The following ABCA13 variants were observed in gnomAD, a reference collection of about 807,000 sequenced individuals.
ABCA13 encodes the protein ATP-binding cassette sub-family A member 13.
Under a neutral mutation model 478.7 loss-of-function variants are expected in ABCA13, and 476 were observed. The ratio of observed to expected loss-of-function variants is 0.99; its 90% CI spans 0.92 to 1.07. The LOEUF is 1.07. Ranked by LOEUF, ABCA13 falls within the 50% of genes least tolerant of loss-of-function variation. The pLI is 0.00. For missense variants in ABCA13, 6,060 were observed against 5,910.6 expected, an observed-to-expected ratio of 1.03 and a Z score of -0.83; for synonymous variants, 2,252 against 2,158.9, an observed-to-expected ratio of 1.04 and a Z score of -1.20.
chr7:48,382,089 G>A (rs73325715), intron 35 of ABCA13, among the ~76,000 whole-genome samples: 2,446 of 152,168 alleles, frequency 0.016, 74 homozygotes, highest in African/African-American at 0.056. Flanking sequence ...TCATAACTCT[G>A]GAATGTCTTT....
chr7:48,611,716 C>T (rs530768207), intron 58 of ABCA13, among the ~76,000 whole-genome samples: 2 of 152,290 alleles, frequency 1.3e-5, no homozygotes, highest in South Asian at 2.1e-4. Flanking sequence ...CCAGGCCCCT[C>T]CTCCAACACA....
At chr7:48,212,989 A>T (rs1000977656) in intron 3 of ABCA13, among the ~76,000 whole-genome samples, 1 of 152,026 alleles carries the variant, frequency 6.6e-6, no homozygotes, top group African/African-American at 2.4e-5. Flanking sequence ...ACAAAGAAAT[A>T]TTTGCCTAAT....
chr7:48,286,868 ATT>A (rs375594302), intron 19 of ABCA13, among the ~76,000 whole-genome samples: 4 of 151,410 alleles, frequency 2.6e-5, no homozygotes, highest in Admixed American at 6.6e-5. Flanking sequence ...TCAGGATAAC[ATT>A]TTTTTTTCTA....
chr7:48,356,986 G>GCC (rs1810025986), intron 31 of ABCA13, among the ~76,000 whole-genome samples: 1 of 151,776 alleles, frequency 6.6e-6, no homozygotes. Flanking sequence ...TTCCTCTATT[G>GCC]CTTTTTGGCT....
chr7:48,603,337 G>A (rs1791112314), intron 58 of ABCA13, among the ~76,000 whole-genome samples: 1 of 152,144 alleles, frequency 6.6e-6, no homozygotes, highest in Non-Finnish European at 1.5e-5. Context: ...TCTAGGTTTT[G>A]CGCATTCAAT....
At chr7:48,494,928 A>T (rs115464518) in intron 48 of ABCA13, among the ~76,000 whole-genome samples, 1,768 of 152,290 alleles carry the variant, frequency 0.012, 40 homozygotes, top group African/African-American at 0.04. Flanking sequence ...ACACACAGGG[A>T]AAAGGTGACA....
At chr7:48,258,026 C>T (rs1793652681) in intron 15 of ABCA13, among the ~76,000 whole-genome samples, 1 of 152,116 alleles carries the variant, frequency 6.6e-6, no homozygotes, top group African/African-American at 2.4e-5. Context: ...CAGGGTCAAG[C>T]AACCCTCCTG....
chr7:48,394,149 G>A (rs1302842002), intron 38 of ABCA13, among the ~76,000 whole-genome samples: 2 of 152,080 alleles, frequency 1.3e-5, no homozygotes, highest in Non-Finnish European at 2.9e-5. Flanking sequence ...ATCACTTGAG[G>A]TATAATCTAA....
intron 39 of ABCA13, among the ~76,000 whole-genome samples, chr7:48,405,979 A>G (rs1258128485): frequency 2.0e-5 from 3 of 152,216 alleles, no homozygotes; most frequent in Non-Finnish European, 2.9e-5. Flanking sequence ...CAAAATGTAT[A>G]GCCATTTCTG....
chr7:48,622,794 A>T (rs914919076), intron 59 of ABCA13, among the ~76,000 whole-genome samples: 1 of 152,218 alleles, frequency 6.6e-6, no homozygotes. Context: ...TTTATTCCTC[A>T]TGACAATCCT....
chr7:48,549,497 G>T (rs573379735), intron 55 of ABCA13, among the ~76,000 whole-genome samples: 1 of 151,864 alleles, frequency 6.6e-6, no homozygotes, highest in South Asian at 2.1e-4. Context: ...CCATGTCTTT[G>T]CTACCATAAA....
intron 59 of ABCA13, among the ~76,000 whole-genome samples, chr7:48,635,563 T>A (rs1294743228): frequency 1.3e-5 from 2 of 152,216 alleles, no homozygotes; most frequent in Non-Finnish European, 2.9e-5. Context: ...AATGAGCCTT[T>A]GTCTAATGAG....
At chr7:48,338,062 T>G (rs1057101528) in intron 28 of ABCA13, among the ~76,000 whole-genome samples, 2 of 152,224 alleles carry the variant, frequency 1.3e-5, no homozygotes, top group African/African-American at 4.8e-5. Flanking sequence ...AAAGGTTCAT[T>G]ATATAGGTTC....
intron 1 of ABCA13, among the ~76,000 whole-genome samples, chr7:48,173,797 G>A (rs1794475043): frequency 1.3e-5 from 2 of 152,322 alleles, no homozygotes; most frequent in South Asian, 2.1e-4. Flanking sequence ...AAATGAAATT[G>A]TTTGTAAGTA....
intron 38 of ABCA13, among the ~76,000 whole-genome samples, chr7:48,401,619 T>C (rs552905389): frequency 1.3e-5 from 2 of 152,310 alleles, no homozygotes; most frequent in South Asian, 4.1e-4. Flanking sequence ...CCAGCACCTA[T>C]GATGCTATAG....
At chr7:48,178,830 A>C (rs1296465091) in intron 1 of ABCA13, among the ~76,000 whole-genome samples, 1 of 151,536 alleles carries the variant, frequency 6.6e-6, no homozygotes, top group African/African-American at 2.4e-5. Flanking sequence ...CAGGCTGAAA[A>C]GAGAAAATAA....
intron 27 of ABCA13, among the ~76,000 whole-genome samples, chr7:48,320,222 A>G (rs1311500900): frequency 2.0e-5 from 3 of 152,252 alleles, no homozygotes; most frequent in Non-Finnish European, 2.9e-5. Flanking sequence ...GTGGGGTAAT[A>G]GAAGAAGCTT....
At chr7:48,189,943 T>C (rs1268347865) in intron 1 of ABCA13, among the ~76,000 whole-genome samples, 1 of 152,100 alleles carries the variant, frequency 6.6e-6, no homozygotes, top group Non-Finnish European at 1.5e-5. Flanking sequence ...AACAACTTAA[T>C]AGAAAAATAG....
At chr7:48,476,625 C>T (rs183172532) in intron 45 of ABCA13, among the ~76,000 whole-genome samples, 246 of 152,264 alleles carry the variant, frequency 1.6e-3, no homozygotes, top group Middle Eastern at 3.4e-3. Context: ...CTGACCCCAT[C>T]GTGGATCCTG....
Sources: gnomAD v4.1 joint callset for allele counts (sites outside exome capture counted in the v4.1 genomes callset) on GRCh38, gnomAD v4.1.1 for gene constraint, MANE v1.5 for transcripts, NCBI Gene and HGNC (gene_info 2026-07-23, HGNC 2026-07-21) for gene names.